PSMA1: variants seen among roughly 807,000 people sequenced by gnomAD.
PSMA1 encodes the protein proteasome 20S subunit alpha 1.
A neutral mutation model predicts 38.4 loss-of-function variants in PSMA1; 3 were observed. The observed-to-expected ratio is 0.08, with a 90% CI of 0.04 to 0.20. PSMA1 has a LOEUF of 0.20. Ranked by LOEUF, PSMA1 falls within the 10% of genes least tolerant of loss-of-function variation. The pLI, the probability that PSMA1 is intolerant of heterozygous loss-of-function variation, is 1.00. For synonymous variants in PSMA1, 101 were observed against 107.1 expected, an observed-to-expected ratio of 0.94 and a Z score of 0.35; for missense variants, 227 against 325.3, an observed-to-expected ratio of 0.70 and a Z score of 2.32.
Position 14,575,327 on chromosome 11 carries a change from G to T in PSMA1, c.21+35639C>A, listed in dbSNP as rs991080232. Among the ~76,000 whole-genome samples the T allele has an allele frequency of 2.0e-5, 3 of 152,150 alleles. No individual in the cohort carries two copies. In the South Asian group the frequency reaches 6.2e-4, roughly 32 times the overall value. On this transcript the variant is annotated intron_variant, in intron 2 of 10. Transcript: ENST00000418988. The stretch of plus-strand genomic sequence containing the variant: ...CACAATGTGCAGGTTTGTTACATAT[G>T]TATACATGTGCCATGTTGGTGTGCT...
chr11:14,517,372 A>G (rs1851447223), intron 4 of PSMA1, among the ~76,000 whole-genome samples: 1 of 152,250 alleles, frequency 6.6e-6, no homozygotes, highest in South Asian at 2.1e-4. Flanking sequence ...CTTAGACATA[A>G]CAGGGTCTCA....
chr11:14,538,581 G>A (rs970833514), intron 2 of PSMA1, among the ~76,000 whole-genome samples: 1 of 152,228 alleles, frequency 6.6e-6, no homozygotes, highest in African/African-American at 2.4e-5. Flanking sequence ...TGTGAATTTG[G>A]TTGAAAGGGT....
At chr11:14,544,649 A>G (rs1381787350) in intron 2 of PSMA1, among the ~76,000 whole-genome samples, 1 of 152,216 alleles carries the variant, frequency 6.6e-6, no homozygotes, top group Non-Finnish European at 1.5e-5. Flanking sequence ...ACTTACTAAG[A>G]TGGCTACAAT....
At chr11:14,543,397 A>G (rs914928395) in intron 2 of PSMA1, among the ~76,000 whole-genome samples, 4 of 152,188 alleles carry the variant, frequency 2.6e-5, no homozygotes, top group Non-Finnish European at 5.9e-5. Context: ...CTTTTGAAAG[A>G]TAGCTTTATT....
intron 2 of PSMA1, among the ~76,000 whole-genome samples, chr11:14,577,606 T>C (rs768867086): frequency 2.0e-5 from 3 of 152,210 alleles, no homozygotes; most frequent in East Asian, 3.8e-4. Context: ...AGCATTTATA[T>C]AGCCTAAGTG....
chr11:14,573,803 A>C (rs1852178612), intron 2 of PSMA1, among the ~76,000 whole-genome samples: 1 of 152,244 alleles, frequency 6.6e-6, no homozygotes, highest in African/African-American at 2.4e-5. Flanking sequence ...CTGATAAGCA[A>C]CTTCAGCAAA....
intron 1 of PSMA1, among the ~76,000 whole-genome samples, chr11:14,630,999 A>G (rs1289239334): frequency 6.6e-6 from 1 of 152,148 alleles, no homozygotes; most frequent in Non-Finnish European, 1.5e-5. Context: ...TTTCTGTAGG[A>G]TTGGTGGTGA....
chr11:14,551,105 T>C (rs576708285), intron 2 of PSMA1, among the ~76,000 whole-genome samples: 23 of 152,334 alleles, frequency 1.5e-4, no homozygotes, highest in African/African-American at 5.5e-4. Flanking sequence ...ATTTCACTAT[T>C]ATCATACATG....
At chr11:14,558,446 A>T (rs1851967430) in intron 2 of PSMA1, among the ~76,000 whole-genome samples, 1 of 152,094 alleles carries the variant, frequency 6.6e-6, no homozygotes, top group Non-Finnish European at 1.5e-5. Context: ...AATAAATAAA[A>T]GTCACAATCT....
intron 8 of PSMA1, among the ~76,000 whole-genome samples, chr11:14,509,043 T>C (rs1851297150): frequency 6.6e-6 from 1 of 152,204 alleles, no homozygotes; most frequent in South Asian, 2.1e-4. Flanking sequence ...ATGCCATTTC[T>C]ATATAAAGAC....
intron 2 of PSMA1, among the ~76,000 whole-genome samples, chr11:14,588,707 AT>A (rs1852378332): frequency 6.6e-6 from 1 of 152,310 alleles, no homozygotes; most frequent in African/African-American, 2.4e-5. Context: ...ATAGCCAATT[AT>A]TTTTTAATGT....
chr11:14,619,722 G>A (rs1289386208), intron 1 of PSMA1, among the ~76,000 whole-genome samples: 1 of 152,104 alleles, frequency 6.6e-6, no homozygotes, highest in Non-Finnish European at 1.5e-5. Flanking sequence ...TAATTTCAAA[G>A]AGGTTAGAAA....
chr11:14,585,833 C>T (rs191819838), intron 2 of PSMA1, among the ~76,000 whole-genome samples: 1 of 152,156 alleles, frequency 6.6e-6, no homozygotes, highest in East Asian at 1.9e-4. Context: ...GGTGCTGAGC[C>T]CAATCTCTTC....
chr11:14,551,980 G>T (rs187367104), intron 2 of PSMA1, among the ~76,000 whole-genome samples: 1 of 152,304 alleles, frequency 6.6e-6, no homozygotes, highest in African/African-American at 2.4e-5. Context: ...TAATAAGAAT[G>T]TTGGCAGGAC....
At chr11:14,535,444 C>CTTTTTTTTTTTTTT (rs766986230) in intron 2 of PSMA1, among the ~76,000 whole-genome samples, 1 of 135,876 alleles carries the variant, frequency 7.4e-6, no homozygotes, top group Admixed American at 7.4e-5. Context: ...TTCTTTCTTT[C>CTTTTTTTTTTTTTT]TTTTTTTTTT....
intron 1 of PSMA1, among the ~76,000 whole-genome samples, chr11:14,641,429 G>T (rs1326957370): frequency 6.6e-6 from 1 of 152,208 alleles, no homozygotes; most frequent in Non-Finnish European, 1.5e-5. Context: ...TGTAAACAGA[G>T]AAGGGAGTTA....
intron 2 of PSMA1, among the ~76,000 whole-genome samples, chr11:14,569,732 C>T (rs1360652574): frequency 6.6e-6 from 1 of 152,182 alleles, no homozygotes; most frequent in Non-Finnish European, 1.5e-5. Flanking sequence ...GGGTGGAGCC[C>T]ACCACAGCTC....
At chr11:14,614,600 T>C (rs1231026203) in intron 1 of PSMA1, among the ~76,000 whole-genome samples, 1 of 152,186 alleles carries the variant, frequency 6.6e-6, no homozygotes, top group Non-Finnish European at 1.5e-5. Flanking sequence ...TTTTCTCTCC[T>C]AATTAATAGT....
rs559445697 is a variant in PSMA1, at chr11:14,534,216, T to G, written c.22-15175A>C. 3.9e-5 allele frequency among the ~76,000 whole-genome samples: 6 copies of G among 152,038 alleles called. No individual in the cohort carries two copies. The highest frequency in any genetic ancestry group is 1.4e-4 in the African/African-American group (6 of 41,396). On this transcript the variant is annotated intron_variant, in intron 2 of 10. Transcript: ENST00000418988. This position sits in a 1 kb window ranked among gnomAD's most constrained non-coding sequence, Gnocchi z 4.5. ...TACATACATACATACATAAATAAAA[T>G]AAAATAAAAATTAATATCTCAAAAT...
Sources: gnomAD v4.1 joint callset for allele counts (sites outside exome capture counted in the v4.1 genomes callset) on GRCh38, gnomAD v4.1.1 for gene constraint, Gnocchi (gnomAD v3.1) non-coding constraint, MANE v1.5 for transcripts, NCBI Gene and HGNC (gene_info 2026-07-23, HGNC 2026-07-21) for gene names.